The following SLC9B2 variants were observed in gnomAD, a reference collection of about 807,000 sequenced individuals.
The protein encoded by SLC9B2 is solute carrier family 9 member B2.
In SLC9B2, 39 loss-of-function variants were observed where a neutral mutation model predicts 52.2. The ratio of observed to expected loss-of-function variants is 0.75; its 90% CI spans 0.58 to 0.98. SLC9B2 has a LOEUF of 0.98. Ranked by LOEUF, SLC9B2 falls within the 50% of genes least tolerant of loss-of-function variation. SLC9B2 has a pLI of 0.00. For missense variants in SLC9B2, 626 were observed against 637.5 expected (o/e 0.98, Z 0.19); for synonymous variants, 214 against 227.0 (o/e 0.94, Z 0.51).
At chr4:103,027,604 A>C (rs1742337445) in intron 11 of SLC9B2, among the ~76,000 whole-genome samples, 2 of 152,224 alleles carry the variant, frequency 1.3e-5, no homozygotes. Flanking sequence ...CACAGAGAAC[A>C]ATGTAAGCCT....
downstream of SLC9B2, chr4:103,020,374 A>G (rs866693201): frequency 4.5e-5 from 20 of 444,244 alleles, no homozygotes; most frequent in African/African-American, 2.9e-4. Context: ...GTTTCCAGTA[A>G]TAGAATCCGC....
chr4:103,070,457 T>C (rs1165173408), intron 1 of SLC9B2, among the ~76,000 whole-genome samples: 1 of 152,254 alleles, frequency 6.6e-6, no homozygotes, highest in African/African-American at 2.4e-5. Context: ...TGTTTGATTT[T>C]TGAGACGAAG....
At chr4:103,065,065 A>G (rs1745991676) in intron 3 of SLC9B2, among the ~76,000 whole-genome samples, 1 of 151,998 alleles carries the variant, frequency 6.6e-6, no homozygotes, top group Non-Finnish European at 1.5e-5. Flanking sequence ...TCCAGGAAAA[A>G]AAAGGTTGGG....
At chr4:103,069,134 C>T (rs1362551592) in intron 1 of SLC9B2, among the ~76,000 whole-genome samples, 1 of 151,886 alleles carries the variant, frequency 6.6e-6, no homozygotes, top group Non-Finnish European at 1.5e-5. Flanking sequence ...AAACTTATTT[C>T]AAAATTTAGA....
intron 1 of SLC9B2, among the ~76,000 whole-genome samples, chr4:103,071,454 A>C (rs1746631496): frequency 6.7e-6 from 1 of 149,280 alleles, no homozygotes; most frequent in South Asian, 2.1e-4. Context: ...GCACGATCTC[A>C]GCTCACTGCA....
At chr4:103,029,379 A>G (rs1311785099) in intron 10 of SLC9B2, among the ~76,000 whole-genome samples, 1 of 152,178 alleles carries the variant, frequency 6.6e-6, no homozygotes, top group Non-Finnish European at 1.5e-5. Context: ...GGGAAAAACA[A>G]TATTTTAACC....
downstream of SLC9B2, among the ~76,000 whole-genome samples, chr4:103,020,802 T>C (rs145287659): frequency 6.6e-6 from 1 of 152,172 alleles, no homozygotes; most frequent in African/African-American, 2.4e-5. Flanking sequence ...GGCTAATTTT[T>C]GTATTTTTAG....
In SLC9B2 at chr4:103,026,379, C is replaced by T; in HGVS notation, c.1605G>A (p.Val535=). 3 of 1,610,146 alleles carry T rather than the reference C, an allele frequency of 1.9e-6. No homozygotes were observed. The highest frequency in any genetic ancestry group is 2.5e-6 in the Non-Finnish European group (3 of 1,177,688). The change falls in exon 12 of 12, where the codon GTG becomes GTA. Residue 535 remains valine (V), a synonymous_variant. Transcript: ENST00000394785. ...KDEEVQGETS[V]QV ...CTCTCTCTTTTCACCTCTAAACTTGCACAGAAGTCTCTCCTTGAACTTCTT... is the reference window on the plus strand; with the variant it reads ...CTCTCTCTTTTCACCTCTAAACTTGTACAGAAGTCTCTCCTTGAACTTCTT...
chr4:103,025,446 C>A lies in SLC9B2; in HGVS notation c.*924G>T, dbSNP rs974035700. On this transcript the variant is annotated 3_prime_UTR_variant, in exon 12 of 12. Transcript: ENST00000394785. ...AGAAAGACATGGGACTCTGAGCAGA[C>A]CTCATAAGCAGAGTAACCCTGTTGG... The A allele has an allele frequency of 1.3e-5, 2 of 152,158 alleles. No individual in the cohort carries two copies. Among genetic ancestry groups the A allele is most frequent in the Admixed American group, 1.3e-4 (2 of 15,272 alleles). The allele number at this position is 152,158 out of a possible 1,614,324, so 9.4% of individuals were successfully genotyped here. A position where few individuals can be genotyped will look rare whatever the true frequency, so the allele number is the denominator to read the frequency against.
intron 7 of SLC9B2, 29 bp from the exon 8 acceptor site, chr4:103,045,025 C>G: frequency 2.1e-6 from 3 of 1,460,818 alleles, no homozygotes; most frequent in South Asian, 2.3e-5. Context: ...AAACTTAGAG[C>G]TCTAAATCCA....
intron 1 of SLC9B2, among the ~76,000 whole-genome samples, chr4:103,074,787 C>A (rs998611672): frequency 3.3e-5 from 5 of 152,182 alleles, no homozygotes; most frequent in African/African-American, 1.2e-4. Flanking sequence ...AATAAAATAT[C>A]ACTACTATTG....
chr4:103,041,135 T>C (rs1743604331), intron 9 of SLC9B2, among the ~76,000 whole-genome samples: 1 of 152,196 alleles, frequency 6.6e-6, no homozygotes, highest in Non-Finnish European at 1.5e-5. Context: ...GTTAGGAATA[T>C]TCCTTAAGGA....
At chr4:103,052,591 A>G (rs1466746845) in intron 4 of SLC9B2, among the ~76,000 whole-genome samples, 1 of 152,208 alleles carries the variant, frequency 6.6e-6, no homozygotes, top group East Asian at 1.9e-4. Flanking sequence ...GAAATTTAAA[A>G]TGTGTTTCTA....
intron 1 of SLC9B2, among the ~76,000 whole-genome samples, chr4:103,075,308 C>A (rs1476459697): frequency 6.6e-6 from 1 of 152,078 alleles, no homozygotes. Flanking sequence ...CACCACCATG[C>A]CCAGCTAATT....
At chr4:103,040,031 C>G (rs1431306485) in intron 9 of SLC9B2, among the ~76,000 whole-genome samples, 1 of 151,962 alleles carries the variant, frequency 6.6e-6, no homozygotes, top group Non-Finnish European at 1.5e-5. Context: ...ATTTGTAGGC[C>G]TTGGTTTCCT....
rs538944862 is a variant in SLC9B2 at position 103,048,880 on chromosome 4, A to T, written c.713+13T>A. On this transcript the variant is annotated intron_variant, in intron 6 of 11. Coordinates refer to ENST00000394785, the MANE Select transcript of SLC9B2 (RefSeq NM_178833.7). ...CCCTACATATTTTCATATGACAAAG[A>T]AACAATCATTACCCCAGTATAAATC... is the stretch of plus-strand genomic sequence containing the variant. The T allele has an allele frequency of 1.3e-3, 2,070 of 1,612,270 alleles. 42 individuals carry two copies. The South Asian group carries it at 0.022, about 17-fold the overall frequency.
At chr4:103,049,124 A>C in intron 5 of SLC9B2, 104 bp from the exon 6 acceptor site, 1 of 1,336,186 alleles carries the variant, frequency 7.5e-7, no homozygotes, top group Non-Finnish European at 1.0e-6. Flanking sequence ...CTGGGTCATC[A>C]TGAGTTTTCA....
At position 103,072,329 on chromosome 4, in the gene SLC9B2, T is replaced by C. The variant is rs187285630; in HGVS notation, c.-43+3855A>G. 1.9e-3 allele frequency among the ~76,000 whole-genome samples: 285 copies of C among 152,304 alleles called. 1 individual carries two copies. The highest frequency in any genetic ancestry group is 6.3e-3 in the African/African-American group (263 of 41,562). ...GCCTTGGCCTCCCAAAGTGCTGGGATTACAGGCGTGAGCCACCGCACCCAG... is the reference window on the plus strand; with the variant it reads ...GCCTTGGCCTCCCAAAGTGCTGGGACTACAGGCGTGAGCCACCGCACCCAG... On this transcript the variant is annotated intron_variant, in intron 1 of 11. Coordinates refer to ENST00000394785, the MANE Select transcript of SLC9B2 (RefSeq NM_178833.7).
At chr4:103,057,273 T>C (rs145451263) in intron 4 of SLC9B2, among the ~76,000 whole-genome samples, 72,533 of 143,248 alleles carry the variant, frequency 0.51, 19,628 homozygotes, top group African/African-American at 0.74. Context: ...TATATATATA[T>C]ACACACACAC....
Sources: allele counts gnomAD v4.1 joint callset (sites outside exome capture counted in the v4.1 genomes callset), GRCh38; gene constraint gnomAD v4.1.1; transcripts MANE v1.5; gene names NCBI Gene and HGNC (gene_info 2026-07-23, HGNC 2026-07-21).